Variants in SEZ6L observed in about 807,000 individuals in gnomAD.
SEZ6L encodes the protein seizure 6-like protein.
A neutral mutation model predicts 106.2 loss-of-function variants in SEZ6L; 37 were observed. That is an observed-to-expected ratio of 0.35 (90% confidence interval 0.27 to 0.46). The LOEUF is 0.46. Ranked by LOEUF, SEZ6L falls within the 20% of genes least tolerant of loss-of-function variation. SEZ6L has a pLI of 1.00. For synonymous variants in SEZ6L, 541 were observed against 570.4 expected (o/e 0.95, Z 0.73); for missense variants, 1,172 against 1,332.8 (o/e 0.88, Z 1.88).
intron 1 of SEZ6L, among the ~76,000 whole-genome samples, chr22:26,288,925 C>T (rs73158605): frequency 6.6e-6 from 1 of 151,458 alleles, no homozygotes; most frequent in African/African-American, 2.4e-5. Context: ...CAAAAAAAAA[C>T]CCCCAACATC....
At position 26,320,185 on chromosome 22, in the gene SEZ6L, G is replaced by A. The variant is rs970162897; in HGVS notation, c.2015+6283G>A. On this transcript the variant is annotated intron_variant, in intron 9 of 16. Transcript: ENST00000248933. ...GGACCTTAGAATCAGAATATCTAGC[G>A]GGAGGGGGACTTCAAGGTCCCCCAA... Among the ~76,000 whole-genome samples the A allele has an allele frequency of 3.9e-5, 6 of 152,184 alleles. No homozygotes were observed. The East Asian group carries it at 5.8e-4, about 15-fold the overall frequency.
intron 1 of SEZ6L, among the ~76,000 whole-genome samples, chr22:26,277,397 T>C (rs748392470): frequency 1.1e-4 from 17 of 152,204 alleles, no homozygotes; most frequent in Admixed American, 6.5e-5. Flanking sequence ...TTTGGTGTGT[T>C]GTTTAGGGTG....
At chr22:26,337,064 G>C (rs1285651508) in intron 9 of SEZ6L, among the ~76,000 whole-genome samples, 1 of 151,994 alleles carries the variant, frequency 6.6e-6, no homozygotes, top group African/African-American at 2.4e-5. Context: ...GCTGGAATTT[G>C]AATCCAGACC....
chr22:26,207,438 A>T (rs115361358), intron 1 of SEZ6L, among the ~76,000 whole-genome samples: 280 of 152,356 alleles, frequency 1.8e-3, no homozygotes, highest in African/African-American at 6.5e-3. Flanking sequence ...AGTTGTTATC[A>T]GGATCAGATG....
intron 1 of SEZ6L, among the ~76,000 whole-genome samples, chr22:26,247,021 T>C (rs1339674162): frequency 1.3e-5 from 2 of 152,122 alleles, no homozygotes; most frequent in African/African-American, 4.8e-5. Flanking sequence ...ATATCAAGGG[T>C]GTGCTATTTT....
rs145870193 is a variant in SEZ6L, at chr22:26,210,758, G to C, written c.94+40995G>C. Among the ~76,000 whole-genome samples, 3 of 152,296 alleles carry C rather than the reference G, an allele frequency of 2.0e-5. No individual in the cohort carries two copies. In the East Asian group the frequency reaches 5.8e-4, roughly 29 times the overall value. The stretch of plus-strand genomic sequence containing the variant: ...TTTCCAAACTCCTAATCAGAAGAGA[G>C]TCCACAAGCCAAAACTAGCCCACAT... On this transcript the variant is annotated intron_variant, in intron 1 of 16. Transcript: ENST00000248933.
chr22:26,298,932 T>G, intron 4 of SEZ6L, 52 bp from the exon 5 acceptor site: 2 of 1,493,688 alleles, frequency 1.3e-6, no homozygotes, highest in Non-Finnish European at 1.8e-6. Flanking sequence ...GGTCAGGTTC[T>G]TGATCTGCCA....
rs914454680 is a variant in SEZ6L, at chr22:26,301,293, C to T, written c.1348+2124C>T. Among the ~76,000 whole-genome samples, 15 of 152,322 alleles carry T rather than the reference C, an allele frequency of 9.8e-5. No individual in the cohort carries two copies. The East Asian group carries it at 1.3e-3, about 14-fold the overall frequency. On this transcript the variant is annotated intron_variant, in intron 5 of 16. Coordinates refer to ENST00000248933, the MANE Select transcript of SEZ6L (RefSeq NM_021115.5). ...GAAGGAATTTTAAGCACCTGTTGGGCGTTGTTTGTCATTCAGAGCCTTTCC... is the reference window on the plus strand; with the variant it reads ...GAAGGAATTTTAAGCACCTGTTGGGTGTTGTTTGTCATTCAGAGCCTTTCC...
At chr22:26,169,806 C>G in intron 1 of SEZ6L, 43 bp downstream of exon 1, 2 of 1,032,918 alleles carry the variant, frequency 1.9e-6, no homozygotes, top group Non-Finnish European at 2.5e-6. Context: ...GCAAAGTTGC[C>G]GGGAGAGCGG....
intron 10 of SEZ6L, among the ~76,000 whole-genome samples, chr22:26,342,016 G>C (rs1053372305): frequency 4.6e-5 from 7 of 152,146 alleles, no homozygotes; most frequent in African/African-American, 1.4e-4. Flanking sequence ...AAGGATGAAG[G>C]GTTGCTCATC....
intron 1 of SEZ6L, among the ~76,000 whole-genome samples, chr22:26,278,155 G>A (rs1479607836): frequency 6.6e-6 from 1 of 152,168 alleles, no homozygotes; most frequent in Non-Finnish European, 1.5e-5. Context: ...GGCAGGGAAG[G>A]GGCGGTTTAG....
chr22:26,264,721 T>C (rs118113914), intron 1 of SEZ6L, among the ~76,000 whole-genome samples: 2,373 of 152,274 alleles, frequency 0.016, 181 homozygotes, highest in Admixed American at 0.14. Flanking sequence ...AGCAGGACCA[T>C]GTTCCAGTGA....
At chr22:26,270,362 C>T (rs2080323857) in intron 1 of SEZ6L, among the ~76,000 whole-genome samples, 1 of 152,056 alleles carries the variant, frequency 6.6e-6, no homozygotes, top group Admixed American at 6.6e-5. Context: ...AATTCCTTTG[C>T]ATCTATGAAA....
At chr22:26,207,910 ATTTT>A (rs134772) in intron 1 of SEZ6L, among the ~76,000 whole-genome samples, 22 of 138,488 alleles carry the variant, frequency 1.6e-4, no homozygotes, top group African/African-American at 3.5e-4. Flanking sequence ...ATTCATGTGT[ATTTT>A]TTTTTTTTTT....
At chr22:26,246,824 C>T (rs977690684) in intron 1 of SEZ6L, among the ~76,000 whole-genome samples, 3 of 152,226 alleles carry the variant, frequency 2.0e-5, no homozygotes, top group Non-Finnish European at 4.4e-5. Flanking sequence ...TAATAACCCC[C>T]TTCATTAGCA....
At chr22:26,348,844 GAGAAGGGAGGGAGGGGAGGGTGAGGGAA>G (rs2083176350) in intron 11 of SEZ6L, among the ~76,000 whole-genome samples, 1 of 53,222 alleles carries the variant, frequency 1.9e-5, no homozygotes, top group African/African-American at 8.7e-5. Context: ...GGGAAGGGGA[GAGAAGGGAGGGAGGGGAGGGTGAGGGAA>G]GGGGAGTGAA....
rs149471770 is a variant in SEZ6L, at chr22:26,332,028, A to C, written c.2016-8408A>C. On this transcript the variant is annotated intron_variant, in intron 9 of 16. Transcript: ENST00000248933. ...ATTTTTAAAAAACGATGTCTGTAAT[A>C]CAAAAATCACAGCTATATAGGAGGA... Among the ~76,000 whole-genome samples the C allele has an allele frequency of 3.1e-3, 467 of 152,228 alleles. 7 individuals are homozygous for C. Among genetic ancestry groups the C allele is most frequent in the African/African-American group, 0.01 (429 of 41,538 alleles).
At chr22:26,367,226 C>A (rs1187611717) in intron 13 of SEZ6L, among the ~76,000 whole-genome samples, 1 of 152,000 alleles carries the variant, frequency 6.6e-6, no homozygotes, top group Admixed American at 6.6e-5. Context: ...CCAAGCGTCC[C>A]GTAGAACAGC....
At chr22:26,313,089 T>G (rs1298241922) in intron 8 of SEZ6L, among the ~76,000 whole-genome samples, 1 of 152,258 alleles carries the variant, frequency 6.6e-6, no homozygotes, top group Non-Finnish European at 1.5e-5. Flanking sequence ...TGTTGAGACC[T>G]TTCCAAAGTG....
Sources: gnomAD v4.1 joint callset for allele counts (sites outside exome capture counted in the v4.1 genomes callset) on GRCh38, gnomAD v4.1.1 for gene constraint, MANE v1.5 for transcripts, NCBI Gene and HGNC (gene_info 2026-07-23, HGNC 2026-07-21) for gene names.